ITPR1: variants seen among roughly 807,000 people sequenced by gnomAD.
ITPR1 encodes inositol 1,4,5-trisphosphate receptor type 1.
Under a neutral mutation model 318.4 loss-of-function variants are expected in ITPR1, and 96 were observed. The ratio of observed to expected loss-of-function variants is 0.30; its 90% CI spans 0.26 to 0.36. The LOEUF (loss-of-function observed/expected upper bound fraction) is 0.36, where lower values mean the gene tolerates loss of function less well. ITPR1 is among the 10% of genes least tolerant of loss of function. The pLI is 1.00. For missense variants in ITPR1, 2,440 were observed against 3,460.2 expected, an observed-to-expected ratio of 0.71 and a Z score of 7.40; for synonymous variants, 1,312 against 1,289.9, an observed-to-expected ratio of 1.02 and a Z score of -0.37.
intron 44 of ITPR1, among the ~76,000 whole-genome samples, chr3:4,752,996 GGC>G (rs1388275750): frequency 2.6e-5 from 4 of 152,204 alleles, no homozygotes; most frequent in Non-Finnish European, 5.9e-5. Context: ...GAAGCAAACA[GGC>G]GCCACGAAGC....
At chr3:4,839,344 T>C (rs1157122559) in intron 61 of ITPR1, among the ~76,000 whole-genome samples, 1 of 150,412 alleles carries the variant, frequency 6.6e-6, no homozygotes, top group African/African-American at 2.4e-5. Context: ...AAAAAAAGAA[T>C]AGAGGTATAG....
intron 4 of ITPR1, among the ~76,000 whole-genome samples, chr3:4,569,487 A>G (rs73807296): frequency 0.024 from 3,708 of 152,308 alleles, 158 homozygotes; most frequent in African/African-American, 0.084. Flanking sequence ...CAAACAAAAC[A>G]TTGTGTGACA....
intron 4 of ITPR1, among the ~76,000 whole-genome samples, chr3:4,604,097 G>T (rs189071068): frequency 6.6e-6 from 1 of 152,118 alleles, no homozygotes; most frequent in Non-Finnish European, 1.5e-5. Context: ...GATGTTGAGC[G>T]TTTTTTCCTG....
intron 60 of ITPR1, among the ~76,000 whole-genome samples, chr3:4,821,175 G>A: frequency 6.6e-6 from 1 of 152,248 alleles, no homozygotes; most frequent in Middle Eastern, 3.2e-3. Flanking sequence ...GGAAAAGCAG[G>A]CTGGAGGGCT....
intron 4 of ITPR1, among the ~76,000 whole-genome samples, chr3:4,526,503 C>A (rs2082989160): frequency 1.3e-5 from 2 of 152,338 alleles, no homozygotes; most frequent in South Asian, 2.1e-4. Context: ...TTGGTGATGG[C>A]AGGACAAGAT....
At chr3:4,748,454 T>TTA (rs2044264449) in intron 44 of ITPR1, among the ~76,000 whole-genome samples, 1 of 151,708 alleles carries the variant, frequency 6.6e-6, no homozygotes, top group African/African-American at 2.4e-5. Flanking sequence ...CATTTTTTTT[T>TTA]AATAACAATG....
intron 4 of ITPR1, among the ~76,000 whole-genome samples, chr3:4,575,068 G>A (rs1287304404): frequency 2.6e-5 from 4 of 152,176 alleles, no homozygotes; most frequent in African/African-American, 9.7e-5. Context: ...TATGATTTCT[G>A]TACTTTTCTT....
intron 12 of ITPR1, among the ~76,000 whole-genome samples, chr3:4,657,095 G>A (rs145078122): frequency 2.0e-3 from 300 of 152,326 alleles, no homozygotes; most frequent in African/African-American, 6.9e-3. Context: ...TCTCAGGAGA[G>A]GCCCGTCTTC....
intron 4 of ITPR1, among the ~76,000 whole-genome samples, chr3:4,605,751 G>A (rs1218562817): frequency 6.6e-6 from 1 of 152,158 alleles, no homozygotes; most frequent in Non-Finnish European, 1.5e-5. Flanking sequence ...AAGAAAAAAT[G>A]ACCATGAGTG....
At chr3:4,618,020 T>G (rs1397686443) in intron 4 of ITPR1, among the ~76,000 whole-genome samples, 4 of 151,762 alleles carry the variant, frequency 2.6e-5, no homozygotes, top group Admixed American at 6.6e-5. Context: ...ATTTGATATA[T>G]GCACATCCTT....
rs996716282 is a variant in ITPR1, at chr3:4,706,434, A to C, written c.4842+83A>C. 1.3e-5 allele frequency: 16 copies of C among 1,257,640 alleles called. No individual in the cohort carries two copies. In the African/African-American group the frequency reaches 1.6e-4, roughly 13 times the overall value. 77.9% of individuals were successfully genotyped at this position (1,257,640 alleles called of 1,614,324 possible). A position where few individuals can be genotyped will look rare whatever the true frequency, so the allele number is the denominator to read the frequency against. On this transcript the variant is annotated intron_variant, in intron 37 of 61. Coordinates refer to ENST00000649015, the MANE Select transcript of ITPR1 (RefSeq NM_001378452.1). ...ACAGCAGTGCATCCTTGAGCCACAG[A>C]GCATCTAAGCTGGGCCGTGGGAAGA...
chr3:4,828,404 T>C (rs2050219517), intron 60 of ITPR1, among the ~76,000 whole-genome samples: 2 of 152,230 alleles, frequency 1.3e-5, no homozygotes, highest in African/African-American at 4.8e-5. Context: ...TGGATGCTGA[T>C]GTGGGGAGAA....
chr3:4,684,987 T>C, intron 29 of ITPR1, 82 bp from the exon 30 acceptor site: 1 of 1,421,910 alleles, frequency 7.0e-7, no homozygotes, highest in East Asian at 2.4e-5. Context: ...CCCCTTTGCC[T>C]CCCTGCCCGC....
At chr3:4,599,229 G>A (rs572075412) in intron 4 of ITPR1, among the ~76,000 whole-genome samples, 3 of 152,180 alleles carry the variant, frequency 2.0e-5, no homozygotes, top group Non-Finnish European at 2.9e-5. Context: ...TGTTGCCTGC[G>A]GTCACAGAGC....
chr3:4,510,644 A>G (rs2081744722), intron 2 of ITPR1, among the ~76,000 whole-genome samples: 1 of 152,258 alleles, frequency 6.6e-6, no homozygotes, highest in African/African-American at 2.4e-5. Flanking sequence ...AAAACACATC[A>G]CACACAGATC....
At chr3:4,836,310 T>C (rs939372877) in intron 60 of ITPR1, among the ~76,000 whole-genome samples, 9 of 152,082 alleles carry the variant, frequency 5.9e-5, no homozygotes, top group Admixed American at 6.6e-5. Flanking sequence ...GATAAAAAAA[T>C]AGTTCTGGAA....
intron 4 of ITPR1, among the ~76,000 whole-genome samples, chr3:4,535,124 G>C (rs1291915520): frequency 1.3e-5 from 2 of 151,482 alleles, no homozygotes; most frequent in Admixed American, 6.6e-5. Context: ...GGGGAATGCA[G>C]TCCCTTGATC....
At chr3:4,512,070 C>G (rs1234332718) in intron 2 of ITPR1, among the ~76,000 whole-genome samples, 1 of 152,150 alleles carries the variant, frequency 6.6e-6, no homozygotes, top group African/African-American at 2.4e-5. Flanking sequence ...TCACTGCAGC[C>G]TGGAGCTCCC....
Position 4,723,116 on chromosome 3 carries a change from T to C in ITPR1, c.5137-2430T>C, listed in dbSNP as rs189956326. Among the ~76,000 whole-genome samples the C allele has an allele frequency of 2.6e-4, 39 of 152,238 alleles. 1 individual carries two copies. Among genetic ancestry groups the C allele is most frequent in the Admixed American group, 1.8e-3 (27 of 15,302 alleles). ...TGAGCCGAGATCATGCCACTGCACT[T>C]CAGCCTGGGAGACAGAGCAAGACTC... On this transcript the variant is annotated intron_variant, in intron 40 of 61. Coordinates refer to ENST00000649015, the MANE Select transcript of ITPR1 (RefSeq NM_001378452.1).
Sources: gnomAD v4.1 joint callset for allele counts (sites outside exome capture counted in the v4.1 genomes callset) on GRCh38, gnomAD v4.1.1 for gene constraint, MANE v1.5 for transcripts, NCBI Gene and HGNC (gene_info 2026-07-23, HGNC 2026-07-21) for gene names.